SYCE1L: variants seen among roughly 807,000 people sequenced by gnomAD.
SYCE1L encodes the protein synaptonemal complex central element protein 1 like, also known as synaptonemal complex central element protein 1-like.
A neutral mutation model predicts 39.6 loss-of-function variants in SYCE1L; 51 were observed. The observed-to-expected ratio is 1.29, with a 90% CI of 1.03 to 1.63. The LOEUF is 1.63. Among genes scored for constraint, SYCE1L ranks in the 40% most tolerant of loss-of-function variants. The pLI, the probability that SYCE1L is intolerant of heterozygous loss-of-function variation, is 0.00. For missense variants in SYCE1L, 426 were observed against 304.9 expected (o/e 1.40, Z -2.96); for synonymous variants, 147 against 122.4 (o/e 1.20, Z -1.33).
rs1014369513 is a variant in SYCE1L, at chr16:77,209,103, G to C, written c.263G>C (p.Gly88Ala). 7 of 1,551,608 alleles carry C rather than the reference G, an allele frequency of 4.5e-6. No individual in the cohort carries two copies. In the African/African-American group the frequency reaches 9.6e-5, roughly 21 times the overall value. Residue 88 changes from glycine to alanine, a missense_variant, in exon 5 of 11, where the codon GGA (glycine) becomes GCA (alanine). Physicochemically the swap from Gly to Ala is moderately conservative, Grantham distance 60. Coordinates refer to ENST00000378644, the MANE Select transcript of SYCE1L (RefSeq NM_001129979.3). ...GTGTCATTGTGTTTTCCAGTGAATG[G>C]AGAGAAAGTGCACCTAGAGGAGGTC... ...ALHRELDSLNGEKVHLEEVLG... is the reference protein window; with the variant it reads ...ALHRELDSLNAEKVHLEEVLG...
In SYCE1L at chr16:77,212,086, C is replaced by G. The variant is rs948795482; in HGVS notation, c.424-44C>G. 10 of 1,529,474 alleles carry G rather than the reference C, an allele frequency of 6.5e-6. No homozygotes were observed. In the Admixed American group the frequency reaches 1.0e-4, roughly 16 times the overall value. 94.7% of individuals were successfully genotyped at this position (1,529,474 alleles called of 1,614,324 possible). ...AAAGGGGAGGGGCGGGCCGTGTAGC[C>G]AAGAGGACGGCCAAACGGGGAGGCC... On this transcript the variant is annotated intron_variant, in intron 7 of 10. Transcript: ENST00000378644.
chr16:77,209,286 C>T, intron 5 of SYCE1L, 131 bp from the exon 6 acceptor site: 2 of 1,336,278 alleles, frequency 1.5e-6, no homozygotes, highest in South Asian at 1.3e-5. Context: ...TGGATTGCTA[C>T]ATCACTTGGA....
chr16:77,212,134 T>A lies in SYCE1L; in HGVS notation c.428T>A (p.Leu143Gln), dbSNP rs1022578327. 1 of 1,548,468 alleles carries A rather than the reference T, an allele frequency of 6.5e-7. No individual in the cohort carries two copies. The highest frequency in any genetic ancestry group is 2.5e-5 in the East Asian group (1 of 40,772). The change falls in exon 8 of 11, where the codon CTG becomes CAG. Residue 143 changes from leucine (L) to glutamine (Q), a missense_variant. Coordinates refer to ENST00000378644, the MANE Select transcript of SYCE1L (RefSeq NM_001129979.3). ...GCCTCCTCTTTGTCCTCGCAGATGC[T>A]GGAGCAGCGACTGGCCCGGGAGATC... is the stretch of plus-strand genomic sequence containing the variant. The part of the protein sequence containing the change: ...QHKDLWEFHM[L>Q]EQRLAREIRA...
chr16:77,204,739 A>G (rs2054773211), intron 1 of SYCE1L, among the ~76,000 whole-genome samples: 1 of 152,168 alleles, frequency 6.6e-6, no homozygotes, highest in East Asian at 1.9e-4. Context: ...ACATGCTACC[A>G]CTTACATAGA....
At chr16:77,203,802 C>T (rs1333435021) in intron 1 of SYCE1L, among the ~76,000 whole-genome samples, 1 of 151,938 alleles carries the variant, frequency 6.6e-6, no homozygotes, top group African/African-American at 2.4e-5. Flanking sequence ...GCCACGTTGG[C>T]CAAGCTGGTC....
In SYCE1L at chr16:77,211,178, C is replaced by T. The variant is rs780149333; in HGVS notation, c.360-35C>T. 160 of 1,550,998 alleles carry T rather than the reference C, an allele frequency of 1.0e-4. 1 individual carries two copies. The Admixed American group carries it at 2.6e-3, about 26-fold the overall frequency. ...GCCCCCAACAGGGTGTCAGGCCTAG[C>T]ATGTGTTCTCTTATTCCTGGGTGTC... On this transcript the variant is annotated intron_variant, in intron 6 of 10. Transcript: ENST00000378644.
Position 77,199,666 on chromosome 16 carries a change from G to A in SYCE1L, c.61+154G>A, listed in dbSNP as rs1042686093. 1.6e-5 allele frequency: 10 copies of A among 635,168 alleles called. No homozygotes were observed. In the East Asian group the frequency reaches 2.5e-4, roughly 16 times the overall value. 39.3% of individuals were successfully genotyped at this position (635,168 alleles called of 1,614,324 possible). Reference sequence around the variant, plus strand: ...ATTGAAGAAAAACAATTTTTTAACCGTTCAGCACAGTGGAGATAAATTAAC... The same window carrying A: ...ATTGAAGAAAAACAATTTTTTAACCATTCAGCACAGTGGAGATAAATTAAC... On this transcript the variant is annotated intron_variant, in intron 1 of 10. Transcript: ENST00000378644.
At chr16:77,205,339 T>G (rs1163950290) in intron 1 of SYCE1L, among the ~76,000 whole-genome samples, 1 of 151,438 alleles carries the variant, frequency 6.6e-6, no homozygotes, top group African/African-American at 2.4e-5. Context: ...ATTTCAAGAC[T>G]TAAGGAATTT....
intron 1 of SYCE1L, among the ~76,000 whole-genome samples, chr16:77,203,199 T>C (rs1001345900): frequency 2.0e-5 from 3 of 152,330 alleles, no homozygotes; most frequent in Admixed American, 6.5e-5. Flanking sequence ...AAATGTATTT[T>C]ACTAAAAGAC....
At position 77,212,376 on chromosome 16, in the gene SYCE1L, G is replaced by C; in HGVS notation, c.581+7G>C. 1 of 1,527,610 alleles carries C rather than the reference G, an allele frequency of 6.5e-7. No individual in the cohort carries two copies. Among genetic ancestry groups the C allele is most frequent in the Non-Finnish European group, 8.8e-7 (1 of 1,138,810 alleles). 94.6% of individuals were successfully genotyped at this position (1,527,610 alleles called of 1,614,324 possible). Reference sequence around the variant, plus strand: ...CCATGGCGGTGAATGACGGGTGAGAGGGGAAGGGAGGAGTGGGCGAGGAGG... The same window carrying C: ...CCATGGCGGTGAATGACGGGTGAGACGGGAAGGGAGGAGTGGGCGAGGAGG... On this transcript the variant is annotated splice_region_variant and intron_variant, in intron 9 of 10. Transcript: ENST00000378644.
Position 77,212,926 on chromosome 16 carries a change from C to T in SYCE1L, c.724C>T (p.Leu242Phe). The change falls in exon 11 of 11, where the codon CTC becomes TTC. Residue 242 changes from leucine to phenylalanine, a missense_variant. Transcript: ENST00000378644. Reference protein sequence around the residue: ...PEPPVAAPDAL With the variant: ...PEPPVAAPDAF ...GCCGCCGGTGGCTGCCCCTGACGCCCTCTAGGCCAGCAGGACCCGCCCGTT... is the reference window on the plus strand; with the variant it reads ...GCCGCCGGTGGCTGCCCCTGACGCCTTCTAGGCCAGCAGGACCCGCCCGTT... 1 of 1,524,762 alleles carries T rather than the reference C, an allele frequency of 6.6e-7. No individual in the cohort carries two copies. The highest frequency in any genetic ancestry group is 1.2e-5 in the South Asian group (1 of 82,258). The allele number at this position is 1,524,762 out of a possible 1,614,324, so 94.5% of individuals were successfully genotyped here.
At chr16:77,210,892 C>T (rs866858392) in intron 6 of SYCE1L, among the ~76,000 whole-genome samples, 4 of 152,286 alleles carry the variant, frequency 2.6e-5, no homozygotes, top group South Asian at 2.1e-4. Flanking sequence ...TTTCCCTTCC[C>T]AGGAAGCACA....
intron 1 of SYCE1L, chr16:77,201,302 A>T (rs1303877441): frequency 6.6e-6 from 1 of 152,238 alleles, no homozygotes; most frequent in East Asian, 1.9e-4. Context: ...TGTGTAATGC[A>T]GCTGCCACTG....
intron 1 of SYCE1L, among the ~76,000 whole-genome samples, chr16:77,205,254 T>G (rs908939266): frequency 1.3e-5 from 2 of 151,614 alleles, no homozygotes; most frequent in Non-Finnish European, 2.9e-5. Flanking sequence ...TATCATGTTT[T>G]GTGAGCCGCC....
rs1027412589 is a variant in SYCE1L at position 77,209,207 on chromosome 16, T to C, written c.304+63T>C. On this transcript the variant is annotated intron_variant, in intron 5 of 10. Transcript: ENST00000378644. The stretch of plus-strand genomic sequence containing the variant: ...TCCACCCCACAAAAGTCTATGCTCC[T>C]CAGAGCAGCCAGAGGAATCCCACTG... 15 of 1,518,542 alleles carry C rather than the reference T, an allele frequency of 9.9e-6. No individual in the cohort carries two copies. In the African/African-American group the frequency reaches 1.7e-4, roughly 17 times the overall value. 94.1% of individuals were successfully genotyped at this position (1,518,542 alleles called of 1,614,324 possible).
At position 77,212,870 on chromosome 16, in the gene SYCE1L, T is replaced by C. The variant is rs2054835774; in HGVS notation, c.668T>C (p.Leu223Pro). 1 of 1,513,920 alleles carries C rather than the reference T, an allele frequency of 6.6e-7. No individual in the cohort carries two copies. Among genetic ancestry groups the C allele is most frequent in the East Asian group, 2.5e-5 (1 of 39,394 alleles). The allele number at this position is 1,513,920 out of a possible 1,614,324, so 93.8% of individuals were successfully genotyped here. The stretch of plus-strand genomic sequence containing the variant: ...AGCCCCCGGCAGGCCGGACCTGAGC[T>C]CCCCCGCGCTCGCGACGAGGAGGAT... ...GAGEGEAGPELPRARDEEDPE... is the reference protein window; with the variant it reads ...GAGEGEAGPEPPRARDEEDPE... The change falls in exon 11 of 11, where the codon CTC becomes CCC. Residue 223 changes from leucine (L) to proline (P), a missense_variant. Physicochemically the swap from Leu to Pro is moderately conservative, Grantham distance 98. Coordinates refer to ENST00000378644, the MANE Select transcript of SYCE1L (RefSeq NM_001129979.3).
chr16:77,205,433 A>AATATATAT lies in SYCE1L; in HGVS notation c.62-999_62-992dup, dbSNP rs145238524. Among the ~76,000 whole-genome samples the AATATATAT allele has an allele frequency of 2.4e-3, 351 of 145,292 alleles. 2 individuals carry two copies. Among genetic ancestry groups the AATATATAT allele is most frequent in the African/African-American group, 7.3e-3 (296 of 40,308 alleles). On this transcript the variant is annotated intron_variant, in intron 1 of 10. Coordinates refer to ENST00000378644, the MANE Select transcript of SYCE1L (RefSeq NM_001129979.3). Reference sequence around the variant, plus strand: ...TCATGTTAAAATATACATAGAAGTAAATATATATATATATATGTATACATA... The same window carrying AATATATAT: ...TCATGTTAAAATATACATAGAAGTAAATATATATATATATATATATATATGTATACATA...
At chr16:77,208,168 C>T (rs1219687901) in intron 2 of SYCE1L, 42 bp from the exon 3 acceptor site, 3 of 1,536,616 alleles carry the variant, frequency 2.0e-6, no homozygotes, top group Non-Finnish European at 8.8e-7. Context: ...CAGCCAGACA[C>T]CAGTCTTCTC....
Position 77,209,464 on chromosome 16 carries a change from G to A in SYCE1L, c.352G>A (p.Ala118Thr). The A allele has an allele frequency of 6.4e-7, 1 of 1,551,732 alleles. No individual in the cohort carries two copies. Among genetic ancestry groups the A allele is most frequent in the Non-Finnish European group, 8.7e-7 (1 of 1,147,012 alleles). Residue 118 changes from alanine to threonine, a missense_variant, in exon 6 of 11, where the codon GCT becomes ACT. Ala to Thr is a moderately conservative substitution (Grantham distance 58). Transcript: ENST00000378644. Reference protein sequence around the residue: ...QMHCQEKESEAQRLDVRGQLE... With the variant: ...QMHCQEKESETQRLDVRGQLE... ...GCACTGCCAAGAGAAGGAAAGCGAG[G>A]CTCAGAGGTAAGAGGCCCTGCCTCA...
Sources: allele counts gnomAD v4.1 joint callset (sites outside exome capture counted in the v4.1 genomes callset), GRCh38; gene constraint gnomAD v4.1.1; transcripts MANE v1.5; gene names NCBI Gene and HGNC (gene_info 2026-07-23, HGNC 2026-07-21).